Variants in CRTC3 observed in about 807,000 individuals in gnomAD.
CRTC3 encodes the protein CREB regulated transcription coactivator 3, also known as CREB-regulated transcription coactivator 3.
Under a neutral mutation model 74.5 loss-of-function variants are expected in CRTC3, and 26 were observed. The observed-to-expected ratio is 0.35, with a 90% CI of 0.26 to 0.48. CRTC3 has a LOEUF of 0.48. Among genes scored for constraint, CRTC3 ranks in the 20% least tolerant of loss-of-function variants. The pLI is 0.99. For missense variants in CRTC3, 760 were observed against 787.3 expected (o/e 0.97, Z 0.41); for synonymous variants, 377 against 325.8 (o/e 1.16, Z -1.69).
At chr15:90,573,132 G>C (rs117327775) in intron 2 of CRTC3, among the ~76,000 whole-genome samples, 2,214 of 152,112 alleles carry the variant, frequency 0.015, 25 homozygotes, top group Middle Eastern at 0.024. Flanking sequence ...TAGGTGTCTC[G>C]TACAAGTTAA....
At chr15:90,550,564 T>C (rs1415447368) in intron 2 of CRTC3, among the ~76,000 whole-genome samples, 1 of 151,952 alleles carries the variant, frequency 6.6e-6, no homozygotes, top group African/African-American at 2.4e-5. Context: ...ATTTGAAGTA[T>C]ATTTGCTGTT....
intron 3 of CRTC3, among the ~76,000 whole-genome samples, chr15:90,601,475 C>T (rs924301219): frequency 6.6e-6 from 1 of 150,434 alleles, no homozygotes; most frequent in Non-Finnish European, 1.5e-5. Context: ...CGTGGAGAAA[C>T]CCTGTCTCTA....
chr15:90,537,903 C>G (rs1288160330), intron 1 of CRTC3, among the ~76,000 whole-genome samples: 1 of 152,160 alleles, frequency 6.6e-6, no homozygotes, highest in East Asian at 1.9e-4. Context: ...TTTTAACAGT[C>G]TTTGAAGGCT....
chr15:90,555,362 G>A (rs894431330), intron 2 of CRTC3, among the ~76,000 whole-genome samples: 2 of 152,022 alleles, frequency 1.3e-5, no homozygotes, highest in Non-Finnish European at 2.9e-5. Context: ...AGTATTTATC[G>A]AGTGCCTTTA....
At chr15:90,531,509 T>A (rs913232897) in intron 1 of CRTC3, among the ~76,000 whole-genome samples, 1 of 152,196 alleles carries the variant, frequency 6.6e-6, no homozygotes, top group East Asian at 1.9e-4. Context: ...AGTGAAATAT[T>A]TCCTGTACTT....
At chr15:90,615,572 C>T (rs940143492) in intron 7 of CRTC3, among the ~76,000 whole-genome samples, 2 of 152,198 alleles carry the variant, frequency 1.3e-5, no homozygotes, top group African/African-American at 4.8e-5. Flanking sequence ...AACATCTAAT[C>T]CACTAGAACA....
Position 90,617,913 on chromosome 15 carries a change from A to G in CRTC3, c.644A>G (p.Glu215Gly), listed in dbSNP as rs757873752. ...VASFPGPLKE[E>G]NLLNVPKPLP... ...TCTTTCCCTGGCCCATTGAAAGAAG[A>G]GAATCTGTTAAATGTTCCGAAGCCA... Residue 215 changes from glutamate to glycine, a missense_variant, in exon 8 of 15, where the codon GAG (glutamate) becomes GGG (glycine). Coordinates refer to ENST00000268184, the MANE Select transcript of CRTC3 (RefSeq NM_022769.5). 6.2e-7 allele frequency: 1 copy of G among 1,612,996 alleles called. No homozygotes were observed. The highest frequency in any genetic ancestry group is 1.7e-5 in the Admixed American group (1 of 59,992).
At chr15:90,544,854 A>AT (rs1966841774) in intron 2 of CRTC3, among the ~76,000 whole-genome samples, 2 of 152,176 alleles carry the variant, frequency 1.3e-5, no homozygotes, top group Non-Finnish European at 2.9e-5. Flanking sequence ...CATCTTAACC[A>AT]TTTTTTAAAG....
chr15:90,623,720 C>T (rs554269080), intron 9 of CRTC3, among the ~76,000 whole-genome samples: 15 of 152,310 alleles, frequency 9.8e-5, no homozygotes, highest in South Asian at 2.1e-4. Flanking sequence ...CTGCCCACCC[C>T]GCGTCCAGCC....
chr15:90,643,669 TGCCTCCTCTA>T lies in CRTC3; in HGVS notation c.*1530_*1539del. On this transcript the variant is annotated 3_prime_UTR_variant, in exon 15 of 15. Coordinates refer to ENST00000268184, the MANE Select transcript of CRTC3 (RefSeq NM_022769.5). Reference sequence around the variant, plus strand: ...GATGGGCCAGATTTCCACCACCGCCTGCCTCCTCTAACTTGGGTGATGCCAGTAGGTTTGA... The same window carrying T: ...GATGGGCCAGATTTCCACCACCGCCTACTTGGGTGATGCCAGTAGGTTTGA... 1 of 227,948 alleles carries T rather than the reference TGCCTCCTCTA, an allele frequency of 4.4e-6. No homozygotes were observed. The highest frequency in any genetic ancestry group is 2.2e-5 in the African/African-American group (1 of 44,930). The allele number at this position is 227,948 out of a possible 1,614,324, so 14.1% of individuals were successfully genotyped here. A position where few individuals can be genotyped will look rare whatever the true frequency, so the allele number is the denominator to read the frequency against.
Position 90,643,090 on chromosome 15 carries a change from C to A in CRTC3, c.*950C>A, listed in dbSNP as rs775594161. 4.3e-6 allele frequency: 1 copy of A among 232,468 alleles called. No homozygotes were observed. The highest frequency in any genetic ancestry group is 5.6e-5 in the Admixed American group (1 of 17,776). The allele number at this position is 232,468 out of a possible 1,614,324, so 14.4% of individuals were successfully genotyped here. A position where few individuals can be genotyped will look rare whatever the true frequency, so the allele number is the denominator to read the frequency against. ...TGGGCTGGGAGTCTAATGTCACCCCCCTAGACCGTAAGCTCCTTGAGGGCA... is the reference window on the plus strand; with the variant it reads ...TGGGCTGGGAGTCTAATGTCACCCCACTAGACCGTAAGCTCCTTGAGGGCA... On this transcript the variant is annotated 3_prime_UTR_variant, in exon 15 of 15. Transcript: ENST00000268184.
intron 2 of CRTC3, among the ~76,000 whole-genome samples, chr15:90,588,384 T>A (rs1335250731): frequency 6.6e-6 from 1 of 150,646 alleles, no homozygotes; most frequent in African/African-American, 2.5e-5. Context: ...AACAAACATT[T>A]ATTTTTCACT....
At chr15:90,582,383 C>T (rs1464037658) in intron 2 of CRTC3, among the ~76,000 whole-genome samples, 1 of 152,144 alleles carries the variant, frequency 6.6e-6, no homozygotes, top group Non-Finnish European at 1.5e-5. Context: ...TCTGCATTCA[C>T]CCTGCTATGC....
In CRTC3 at chr15:90,641,981, C is replaced by T. The variant is rs781224369; in HGVS notation, c.1701C>T (p.Gly567=). ...AAGACCTCAACAGTGCGCTGGCAGGCCTGCCTGAGGTCAGCCTGAACGTGG... is the reference window on the plus strand; with the variant it reads ...AAGACCTCAACAGTGCGCTGGCAGGTCTGCCTGAGGTCAGCCTGAACGTGG... ...LFKDLNSALA[G]LPEVSLNVDT... is the part of the protein sequence containing the mutation. The change falls in exon 15 of 15, where the codon GGC becomes GGT. Residue 567 remains glycine (G), a synonymous_variant. Coordinates refer to ENST00000268184, the MANE Select transcript of CRTC3 (RefSeq NM_022769.5). 1 of 1,613,824 alleles carries T rather than the reference C, an allele frequency of 6.2e-7. No homozygotes were observed. Among genetic ancestry groups the T allele is most frequent in the East Asian group, 2.2e-5 (1 of 44,882 alleles).
rs572598791 is a variant in CRTC3 at position 90,624,368 on chromosome 15, A to G, written c.750-1408A>G. ...ACTGGAACCACAGTGACATTTCTGA[A>G]ACGCCATTCTCCAGCTTAACCTGGC... On this transcript the variant is annotated intron_variant, in intron 9 of 14. Coordinates refer to ENST00000268184, the MANE Select transcript of CRTC3 (RefSeq NM_022769.5). Among the ~76,000 whole-genome samples the G allele has an allele frequency of 4.0e-5, 6 of 151,636 alleles. No homozygotes were observed. The South Asian group carries it at 1.0e-3, about 26-fold the overall frequency.
Position 90,530,181 on chromosome 15 carries a change from T to A in CRTC3, c.110T>A (p.Met37Lys). ...AEETRAFEQLMTDLTLSRVQF... is the reference protein window; with the variant it reads ...AEETRAFEQLKTDLTLSRVQF... ...GAGACGCGGGCCTTCGAGCAGCTCA[T>A]GACCGACCTCACCCTGTCGCGGGTG... Residue 37 changes from methionine (M) to lysine (K), a missense_variant, in exon 1 of 15, where the codon ATG (methionine) becomes AAG (lysine). Met to Lys is a moderately conservative substitution (Grantham distance 95). Transcript: ENST00000268184. This position sits in a 1 kb window ranked among gnomAD's most constrained non-coding sequence, Gnocchi z 6.2. 7.3e-7 allele frequency: 1 copy of A among 1,363,770 alleles called. No individual in the cohort carries two copies. The highest frequency in any genetic ancestry group is 3.7e-5 in the East Asian group (1 of 26,892). 84.5% of individuals were successfully genotyped at this position (1,363,770 alleles called of 1,614,324 possible). A position where few individuals can be genotyped will look rare whatever the true frequency, so the allele number is the denominator to read the frequency against.
intron 1 of CRTC3, among the ~76,000 whole-genome samples, chr15:90,537,921 TA>T (rs1415156360): frequency 2.0e-5 from 3 of 152,276 alleles, no homozygotes; most frequent in Non-Finnish European, 4.4e-5. Flanking sequence ...GCTTCGGAAA[TA>T]GGTGCTTTGG....
chr15:90,629,322 A>C lies in CRTC3; in HGVS notation c.1056A>C (p.Thr352=). ...LSSSLNNHPQ[T]SVPNASALHP... ...CTTCCTTAAATAACCACCCACAGAC[A>C]TCTGTTCCCAACGCATCTGCTCTTC... is the stretch of plus-strand genomic sequence containing the variant. The change falls in exon 11 of 15, where the codon ACA becomes ACC. Residue 352 remains threonine (T), a synonymous_variant. Coordinates refer to ENST00000268184, the MANE Select transcript of CRTC3 (RefSeq NM_022769.5). 1 of 1,614,094 alleles carries C rather than the reference A, an allele frequency of 6.2e-7. No individual in the cohort carries two copies. The highest frequency in any genetic ancestry group is 8.5e-7 in the Non-Finnish European group (1 of 1,180,008).
At chr15:90,639,707 C>T (rs2151098376) in intron 13 of CRTC3, among the ~76,000 whole-genome samples, 1 of 150,030 alleles carries the variant, frequency 6.7e-6, no homozygotes, top group East Asian at 2.0e-4. Context: ...GCCTTGGCCT[C>T]CCAAAGTGCT....
Sources: allele counts gnomAD v4.1 joint callset (sites outside exome capture counted in the v4.1 genomes callset), GRCh38; gene constraint gnomAD v4.1.1; non-coding constraint Gnocchi (gnomAD v3.1); transcripts MANE v1.5; gene names NCBI Gene and HGNC (gene_info 2026-07-23, HGNC 2026-07-21).